LINGO2: variants seen among roughly 807,000 people sequenced by gnomAD.
The protein encoded by LINGO2 is leucine rich repeat and Ig domain containing 2, also known as leucine-rich repeat and immunoglobulin-like domain-containing nogo receptor-interacting protein 2.
A neutral mutation model predicts 30.6 loss-of-function variants in LINGO2; 14 were observed. The ratio of observed to expected loss-of-function variants is 0.46; its 90% CI spans 0.30 to 0.72. The LOEUF is 0.72. LINGO2 is among the 30% of genes least tolerant of loss of function. The pLI is 0.07. For synonymous variants in LINGO2, 317 were observed against 288.5 expected, an observed-to-expected ratio of 1.10 and a Z score of -1.00; for missense variants, 729 against 751.7, an observed-to-expected ratio of 0.97 and a Z score of 0.35.
At chr9:28,738,706 A>C in the LINGO2 span, among the ~76,000 whole-genome samples, 1 of 152,112 alleles carries the variant, frequency 6.6e-6, no homozygotes, top group African/African-American at 2.4e-5. Context: ...ACTATGAAAC[A>C]TGTTGGTTTA....
chr9:29,085,378 A>G, the LINGO2 span, among the ~76,000 whole-genome samples: 4 of 151,740 alleles, frequency 2.6e-5, no homozygotes, highest in Admixed American at 2.6e-4. Flanking sequence ...ATAATGATAA[A>G]ATAATAGCAG....
At chr9:28,330,797 C>T (rs1182826725) in intron 3 of LINGO2, among the ~76,000 whole-genome samples, 3 of 152,086 alleles carry the variant, frequency 2.0e-5, no homozygotes, top group African/African-American at 7.2e-5. Flanking sequence ...CCGTTCTCAC[C>T]TTCCAGGACA....
At chr9:28,993,694 A>G in the LINGO2 span, among the ~76,000 whole-genome samples, 941 of 150,632 alleles carry the variant, frequency 6.2e-3, 23 homozygotes, top group African/African-American at 0.022. Flanking sequence ...CATCCCTGGG[A>G]CGCAAGGCTG....
intron 1 of LINGO2, among the ~76,000 whole-genome samples, chr9:28,603,081 C>T (rs981892572): frequency 3.3e-5 from 5 of 152,154 alleles, no homozygotes; most frequent in Middle Eastern, 3.4e-3. Context: ...CTGGCTTACA[C>T]TATTGAGCCA....
chr9:28,204,042 T>G (rs1043497559), intron 4 of LINGO2, among the ~76,000 whole-genome samples: 9 of 152,172 alleles, frequency 5.9e-5, no homozygotes, highest in African/African-American at 2.2e-4. Context: ...CTGAACGTTT[T>G]TATTGAATGC....
chr9:28,760,573 C>T, the LINGO2 span, among the ~76,000 whole-genome samples: 204 of 152,002 alleles, frequency 1.3e-3, 2 homozygotes, highest in Non-Finnish European at 2.4e-3. Context: ...AGTTCTTTAG[C>T]GGTGATTTGT....
the LINGO2 span, among the ~76,000 whole-genome samples, chr9:28,879,853 G>GAA: frequency 6.6e-6 from 1 of 151,716 alleles, no homozygotes; most frequent in African/African-American, 2.4e-5. Flanking sequence ...AAAACAAAAA[G>GAA]AAAAAAAAGT....
chr9:28,381,092 A>G (rs1475932880), intron 2 of LINGO2, among the ~76,000 whole-genome samples: 3 of 152,070 alleles, frequency 2.0e-5, no homozygotes, highest in Non-Finnish European at 4.4e-5. Flanking sequence ...TGTCCTTCAG[A>G]AAAGGATCCT....
chr9:28,175,806 C>T (rs1481694674), intron 4 of LINGO2, among the ~76,000 whole-genome samples: 1 of 152,158 alleles, frequency 6.6e-6, no homozygotes, highest in Non-Finnish European at 1.5e-5. Flanking sequence ...TAGAATCTCT[C>T]CAGCGCTCTT....
chr9:28,242,072 A>G (rs2133976914), intron 4 of LINGO2, among the ~76,000 whole-genome samples: 1 of 152,310 alleles, frequency 6.6e-6, no homozygotes, highest in Middle Eastern at 3.4e-3. Context: ...CTTCTCCTCC[A>G]AATAATTGCA....
chr9:28,449,740 T>C (rs1824573836), intron 2 of LINGO2, among the ~76,000 whole-genome samples: 1 of 152,068 alleles, frequency 6.6e-6, no homozygotes, highest in Non-Finnish European at 1.5e-5. Flanking sequence ...TGATTTTCTT[T>C]GCTTCAATTA....
chr9:28,177,162 T>G (rs1828773041), intron 4 of LINGO2, among the ~76,000 whole-genome samples: 1 of 152,196 alleles, frequency 6.6e-6, no homozygotes, highest in South Asian at 2.1e-4. Context: ...TATCCTCTGA[T>G]AGGATTTTCC....
the LINGO2 span, among the ~76,000 whole-genome samples, chr9:28,908,540 T>A: frequency 1.7e-4 from 26 of 151,906 alleles, no homozygotes; most frequent in Admixed American, 1.5e-3. Context: ...GTAAAAATAA[T>A]TCACAGAAAG....
the LINGO2 span, among the ~76,000 whole-genome samples, chr9:28,702,041 A>G: frequency 6.6e-6 from 1 of 151,920 alleles, no homozygotes; most frequent in South Asian, 2.1e-4. Context: ...CAGATTTTCT[A>G]CATAGGAAAT....
the LINGO2 span, among the ~76,000 whole-genome samples, chr9:28,798,276 G>GGA: frequency 2.6e-5 from 4 of 150,944 alleles, no homozygotes; most frequent in African/African-American, 9.7e-5. Context: ...TAGTAGGATG[G>GGA]AAAAAAAAAC....
the LINGO2 span, among the ~76,000 whole-genome samples, chr9:28,687,217 A>C: frequency 6.6e-6 from 1 of 152,144 alleles, no homozygotes; most frequent in Non-Finnish European, 1.5e-5. Flanking sequence ...CAGCATTTAC[A>C]TAGGTAAGAA....
chr9:29,190,203 T>G, the LINGO2 span, among the ~76,000 whole-genome samples: 2 of 152,310 alleles, frequency 1.3e-5, no homozygotes, highest in East Asian at 3.9e-4. Flanking sequence ...TGAATCATAA[T>G]CTAGAGATTT....
the LINGO2 span, among the ~76,000 whole-genome samples, chr9:28,822,846 T>G: frequency 6.6e-6 from 1 of 152,134 alleles, no homozygotes; most frequent in Admixed American, 6.6e-5. Context: ...CCCTGACTAA[T>G]ACATACTGAA....
intron 4 of LINGO2, among the ~76,000 whole-genome samples, chr9:28,135,614 G>C (rs1827496195): frequency 6.6e-6 from 1 of 151,846 alleles, no homozygotes; most frequent in East Asian, 1.9e-4. Flanking sequence ...GTCAAACCTT[G>C]TATCACGGTC....
Sources: allele counts gnomAD v4.1 joint callset (sites outside exome capture counted in the v4.1 genomes callset), GRCh38; gene constraint gnomAD v4.1.1; transcripts MANE v1.5; gene names NCBI Gene and HGNC (gene_info 2026-07-23, HGNC 2026-07-21).